KDM4C: variants seen among roughly 807,000 people sequenced by gnomAD.
KDM4C encodes the protein lysine-specific demethylase 4C.
KDM4C carries 81 observed loss-of-function variants against 129.3 expected under a neutral mutation model. That is an observed-to-expected ratio of 0.63 (90% CI 0.52 to 0.75). The LOEUF is 0.75. Ranked by LOEUF, KDM4C falls within the 30% of genes least tolerant of loss-of-function variation. KDM4C has a pLI of 0.00. For synonymous variants in KDM4C, 573 were observed against 456.1 expected (o/e 1.26, Z -3.26); for missense variants, 1,457 against 1,304.0 (o/e 1.12, Z -1.81).
At chr9:6,876,198 G>T (rs375510402) in intron 5 of KDM4C, among the ~76,000 whole-genome samples, 4 of 152,296 alleles carry the variant, frequency 2.6e-5, no homozygotes, top group African/African-American at 9.6e-5. Context: ...GATGTGGGGG[G>T]CAGCAAGTCA....
At chr9:6,791,129 C>T (rs762085543) in intron 1 of KDM4C, among the ~76,000 whole-genome samples, 1 of 152,062 alleles carries the variant, frequency 6.6e-6, no homozygotes, top group Non-Finnish European at 1.5e-5. Flanking sequence ...GAGTTAGTTA[C>T]TTCTTCCTGT....
chr9:7,096,975 T>C (rs1476051607), intron 17 of KDM4C, among the ~76,000 whole-genome samples: 1 of 152,192 alleles, frequency 6.6e-6, no homozygotes, highest in African/African-American at 2.4e-5. Flanking sequence ...CTTTTCAGCC[T>C]GCCATCCCTT....
intron 1 of KDM4C, among the ~76,000 whole-genome samples, chr9:6,751,161 C>T (rs1818052158): frequency 1.3e-5 from 2 of 152,132 alleles, no homozygotes; most frequent in African/African-American, 4.8e-5. Context: ...AAAGATCAGC[C>T]TAGGCCGGGC....
intron 15 of KDM4C, among the ~76,000 whole-genome samples, chr9:7,037,746 T>C (rs144884447): frequency 3.3e-5 from 5 of 152,244 alleles, no homozygotes; most frequent in East Asian, 1.9e-4. Flanking sequence ...GAAAAAAATA[T>C]ACAGCAGAAT....
intron 17 of KDM4C, among the ~76,000 whole-genome samples, chr9:7,091,824 C>T (rs559261935): frequency 1.3e-5 from 2 of 152,292 alleles, no homozygotes; most frequent in African/African-American, 2.4e-5. Flanking sequence ...GGTGCTGAGG[C>T]AGGCCTGACC....
intron 3 of KDM4C, among the ~76,000 whole-genome samples, chr9:6,807,970 G>T: frequency 9.1e-6 from 1 of 110,482 alleles, no homozygotes; most frequent in South Asian, 3.0e-4. Flanking sequence ...CCGGCCAGCC[G>T]CCCCGTCCGG....
intron 8 of KDM4C, among the ~76,000 whole-genome samples, chr9:6,972,501 A>G (rs1832171544): frequency 6.6e-6 from 1 of 152,190 alleles, no homozygotes; most frequent in African/African-American, 2.4e-5. Flanking sequence ...AAGTTGGTGT[A>G]TTAATTCAAA....
intron 10 of KDM4C, 51 bp from the exon 11 acceptor site, chr9:6,986,293 T>C: frequency 7.9e-7 from 1 of 1,258,206 alleles, no homozygotes; most frequent in Non-Finnish European, 1.1e-6. Flanking sequence ...CAATTCTACT[T>C]AGTAGTAATA....
chr9:7,026,706 T>C (rs951139504), intron 15 of KDM4C, among the ~76,000 whole-genome samples: 17 of 152,156 alleles, frequency 1.1e-4, no homozygotes, highest in African/African-American at 4.1e-4. Flanking sequence ...GCCTCTGCGT[T>C]AAGGCTAGTG....
intron 4 of KDM4C, among the ~76,000 whole-genome samples, chr9:6,838,181 T>C (rs10815470): frequency 0.093 from 14,179 of 152,284 alleles, 885 homozygotes; most frequent in East Asian, 0.26. Context: ...TTGCTTGTCT[T>C]AGCAATTCCG....
In KDM4C at chr9:6,805,828, G is replaced by GT. The variant is rs1829870157; in HGVS notation, c.320+56dup. 4.0e-6 allele frequency: 6 copies of GT among 1,508,374 alleles called. No individual in the cohort carries two copies. The Admixed American group carries it at 1.2e-4, about 29-fold the overall frequency. 93.4% of individuals were successfully genotyped at this position (1,508,374 alleles called of 1,614,324 possible). On this transcript the variant is annotated intron_variant, in intron 3 of 21. Transcript: ENST00000381309. ...TTCCTTCAAAGATTTATGTAAATAT[G>GT]TTAAGAAACAAAGTAGACAGAGGAG...
intron 19 of KDM4C, among the ~76,000 whole-genome samples, chr9:7,163,242 C>T (rs569909753): frequency 6.6e-6 from 1 of 152,234 alleles, no homozygotes; most frequent in South Asian, 2.1e-4. Context: ...CCTAACAGTT[C>T]TATGTGTTAA....
chr9:6,838,748 TAAG>T (rs71506092), intron 4 of KDM4C, among the ~76,000 whole-genome samples: 30,999 of 152,052 alleles, frequency 0.2, 3,329 homozygotes, highest in African/African-American at 0.26. Context: ...AATAAAGATT[TAAG>T]GAGTACATTT....
chr9:7,133,320 A>C (rs1251534123), intron 19 of KDM4C, among the ~76,000 whole-genome samples: 1 of 152,162 alleles, frequency 6.6e-6, no homozygotes, highest in South Asian at 2.1e-4. Context: ...TACTTGTCAG[A>C]TTAGATGAGA....
At chr9:7,093,585 T>G (rs951163891) in intron 17 of KDM4C, among the ~76,000 whole-genome samples, 8 of 152,164 alleles carry the variant, frequency 5.3e-5, no homozygotes, top group Admixed American at 3.9e-4. Flanking sequence ...CTGGGTTTTT[T>G]TGTGTGTGTG....
At chr9:6,950,773 A>C (rs1232222623) in intron 8 of KDM4C, among the ~76,000 whole-genome samples, 1 of 152,216 alleles carries the variant, frequency 6.6e-6, no homozygotes, top group Non-Finnish European at 1.5e-5. Context: ...CTAACTAATA[A>C]ATACCTTTAA....
chr9:7,045,234 C>G (rs1345716347), intron 15 of KDM4C, among the ~76,000 whole-genome samples: 1 of 151,998 alleles, frequency 6.6e-6, no homozygotes, highest in African/African-American at 2.4e-5. Flanking sequence ...TTTGACTTTC[C>G]TAACTTGTCC....
chr9:6,904,695 C>T (rs903173432), intron 8 of KDM4C, among the ~76,000 whole-genome samples: 1 of 152,140 alleles, frequency 6.6e-6, no homozygotes, highest in Non-Finnish European at 1.5e-5. Flanking sequence ...TACTGAATGA[C>T]AGCATTTATA....
chr9:6,946,279 AT>A (rs1826949134), intron 8 of KDM4C, among the ~76,000 whole-genome samples: 1 of 152,138 alleles, frequency 6.6e-6, no homozygotes, highest in South Asian at 2.1e-4. Flanking sequence ...TATCAATACC[AT>A]ATTTTAATTT....
Sources: allele counts gnomAD v4.1 joint callset (sites outside exome capture counted in the v4.1 genomes callset), GRCh38; gene constraint gnomAD v4.1.1; transcripts MANE v1.5; gene names NCBI Gene and HGNC (gene_info 2026-07-23, HGNC 2026-07-21).